LOC400499: variants seen among roughly 807,000 people sequenced by gnomAD.
the LOC400499 span, among the ~76,000 whole-genome samples, chr16:11,420,574 C>T: frequency 1.3e-5 from 2 of 149,398 alleles, no homozygotes; most frequent in African/African-American, 2.5e-5. Flanking sequence ...TGCACATGTA[C>T]CCTAAAACTT....
chr16:11,515,390 A>G, the LOC400499 span, among the ~76,000 whole-genome samples: 1 of 152,040 alleles, frequency 6.6e-6, no homozygotes, highest in African/African-American at 2.4e-5. Context: ...CAGGAGTTGA[A>G]GGCTGCACTG....
At chr16:11,380,430 AT>A in the LOC400499 span, among the ~76,000 whole-genome samples, 1 of 152,246 alleles carries the variant, frequency 6.6e-6, no homozygotes, top group East Asian at 1.9e-4. Context: ...AAATACAAAA[AT>A]TCGCCGGGGG....
the LOC400499 span, among the ~76,000 whole-genome samples, chr16:11,430,535 G>A: frequency 6.6e-6 from 1 of 151,862 alleles, no homozygotes; most frequent in South Asian, 2.1e-4. Context: ...TGCAATCTAG[G>A]AAAACACAAT....
At chr16:11,426,991 A>T in the LOC400499 span, among the ~76,000 whole-genome samples, 1 of 142,866 alleles carries the variant, frequency 7.0e-6, no homozygotes, top group Non-Finnish European at 1.5e-5. Context: ...AAAGACAAAC[A>T]ATTTAATAAA....
chr16:11,518,461 G>A, the LOC400499 span, among the ~76,000 whole-genome samples: 1 of 152,072 alleles, frequency 6.6e-6, no homozygotes. Flanking sequence ...GAGTCGGGGA[G>A]GGGAAAAGGC....
At chr16:11,480,138 G>C in the LOC400499 span, among the ~76,000 whole-genome samples, 1 of 152,116 alleles carries the variant, frequency 6.6e-6, no homozygotes, top group Non-Finnish European at 1.5e-5. Flanking sequence ...ACTCCCTATT[G>C]TCTCTCCAAC....
chr16:11,389,810 A>G, the LOC400499 span, among the ~76,000 whole-genome samples: 1 of 151,964 alleles, frequency 6.6e-6, no homozygotes, highest in Admixed American at 6.6e-5. Context: ...CCCGGTGTAG[A>G]TGACTTCCTT....
the LOC400499 span, among the ~76,000 whole-genome samples, chr16:11,519,263 A>C: frequency 6.6e-6 from 1 of 152,204 alleles, no homozygotes. Flanking sequence ...ATATAGCACC[A>C]ACAAGAATAT....
chr16:11,492,065 G>A, the LOC400499 span, among the ~76,000 whole-genome samples: 4 of 152,240 alleles, frequency 2.6e-5, no homozygotes, highest in East Asian at 3.9e-4. Flanking sequence ...ACCAGCCCCA[G>A]CCTAGAGCCT....
chr16:11,515,781 GGAA>G, the LOC400499 span: 1 of 402,288 alleles, frequency 2.5e-6, no homozygotes, highest in African/African-American at 2.1e-5. Flanking sequence ...AGGAGGAGGA[GGAA>G]AAGGGAGGAG....
the LOC400499 span, among the ~76,000 whole-genome samples, chr16:11,449,726 T>G: frequency 3.9e-4 from 59 of 152,336 alleles, no homozygotes; most frequent in African/African-American, 1.3e-3. Context: ...GATCCTTGGT[T>G]CCCCACCATC....
At chr16:11,476,131 G>A in the LOC400499 span, among the ~76,000 whole-genome samples, 1 of 151,820 alleles carries the variant, frequency 6.6e-6, no homozygotes, top group Non-Finnish European at 1.5e-5. Flanking sequence ...ATGGAAAGAA[G>A]GCTGGTGGGA....
the LOC400499 span, among the ~76,000 whole-genome samples, chr16:11,374,788 A>G: frequency 6.6e-6 from 1 of 152,176 alleles, no homozygotes; most frequent in Non-Finnish European, 1.5e-5. Flanking sequence ...TCGGTGTATA[A>G]ATGTGTGAGA....
At chr16:11,502,114 G>C in the LOC400499 span, 1 of 399,114 alleles carries the variant, frequency 2.5e-6, no homozygotes, top group African/African-American at 2.1e-5. Flanking sequence ...TATTGCCAGA[G>C]TTCCATCAGC....
At chr16:11,416,674 G>T in the LOC400499 span, among the ~76,000 whole-genome samples, 1 of 152,144 alleles carries the variant, frequency 6.6e-6, no homozygotes, top group South Asian at 2.1e-4. Flanking sequence ...GGAGGGGATG[G>T]GAGGAAACGG....
the LOC400499 span, among the ~76,000 whole-genome samples, chr16:11,479,043 G>A: frequency 6.6e-6 from 1 of 152,104 alleles, no homozygotes; most frequent in Non-Finnish European, 1.5e-5. Context: ...TCTTTCTTTG[G>A]TAAATTGCCC....
At chr16:11,373,992 C>T in the LOC400499 span, among the ~76,000 whole-genome samples, 1,953 of 152,232 alleles carry the variant, frequency 0.013, 19 homozygotes, top group Non-Finnish European at 0.019. Flanking sequence ...CCTTTTCTGC[C>T]ATCTCTTTCT....
At chr16:11,502,186 A>G in the LOC400499 span, 2 of 399,070 alleles carry the variant, frequency 5.0e-6, no homozygotes, top group East Asian at 7.1e-5. Context: ...ATGGCCTGCG[A>G]TTCAGAGGGG....
At chr16:11,517,623 G>A in the LOC400499 span, among the ~76,000 whole-genome samples, 10 of 152,318 alleles carry the variant, frequency 6.6e-5, no homozygotes, top group African/African-American at 2.2e-4. Context: ...TCATTGTTGA[G>A]ACAAGGAAAT....
Sources: gnomAD v4.1 joint callset for allele counts (sites outside exome capture counted in the v4.1 genomes callset) on GRCh38, gnomAD v4.1.1 for gene constraint, MANE v1.5 for transcripts.